REV3L: variants seen among roughly 807,000 people sequenced by gnomAD.
REV3L encodes DNA polymerase zeta catalytic subunit.
In REV3L, 69 loss-of-function variants were observed where a neutral mutation model predicts 299.4. That is an observed-to-expected ratio of 0.23 (90% CI 0.19 to 0.28). The LOEUF (loss-of-function observed/expected upper bound fraction) is 0.28. REV3L is among the 10% of genes least tolerant of loss of function. The probability of loss-of-function intolerance (pLI) is 1.00; values close to 1 mark genes in which losing one functional copy is unlikely to be tolerated. For synonymous variants in REV3L, 1,238 were observed against 1,271.4 expected (o/e 0.97, Z 0.56); for missense variants, 3,128 against 3,693.8 (o/e 0.85, Z 3.97).
chr6:111,456,409 C>T (rs904374278), intron 1 of REV3L, among the ~76,000 whole-genome samples: 3 of 152,180 alleles, frequency 2.0e-5, no homozygotes, highest in Admixed American at 6.5e-5. Context: ...AAGAAGAAAT[C>T]TGTATATAAA....
chr6:111,371,885 TCTCA>T (rs1779836773), intron 13 of REV3L, among the ~76,000 whole-genome samples: 1 of 151,012 alleles, frequency 6.6e-6, no homozygotes, highest in African/African-American at 2.4e-5. Flanking sequence ...AGAGAGAGAG[TCTCA>T]CTATTTTGCC....
intron 1 of REV3L, 110 bp downstream of exon 1, chr6:111,482,640 A>G: frequency 1.7e-6 from 1 of 595,206 alleles, no homozygotes; most frequent in Non-Finnish European, 2.2e-6. Context: ...CGCGGCAGCG[A>G]TCCACGGAGA....
At position 111,374,146 on chromosome 6, in the gene REV3L, A is replaced by G; in HGVS notation, c.4209T>C (p.Tyr1403=). The G allele has an allele frequency of 1.2e-6, 2 of 1,614,092 alleles. No homozygotes were observed. Among genetic ancestry groups the G allele is most frequent in the South Asian group, 1.1e-5 (1 of 91,078 alleles). ...YLSSIGKLSE[Y]RNSLESKLDQ... is the part of the protein sequence containing the mutation. The stretch of plus-strand genomic sequence containing the variant: ...CCAGCTTTGATTCTAGGGAATTGCG[A>G]TATTCACTTAACTTTCCGATTGATG... The change falls in exon 13 of 32, where the codon TAT becomes TAC. Residue 1403 remains tyrosine (Y), a synonymous_variant. Coordinates refer to ENST00000368802, the MANE Select transcript of REV3L (RefSeq NM_001372078.1).
intron 1 of REV3L, among the ~76,000 whole-genome samples, chr6:111,478,628 C>T (rs1337480405): frequency 1.0e-5 from 1 of 96,782 alleles, no homozygotes; most frequent in East Asian, 3.1e-4. Context: ...CTCCAATTTA[C>T]CAAAAAAAAA....
At chr6:111,341,990 C>G (rs895538128) in intron 21 of REV3L, among the ~76,000 whole-genome samples, 1 of 150,742 alleles carries the variant, frequency 6.6e-6, no homozygotes, top group Non-Finnish European at 1.5e-5. Context: ...CAGAAAAAAA[C>G]AGAGGCCTTT....
chr6:111,422,597 CAT>C (rs202241481), intron 1 of REV3L, among the ~76,000 whole-genome samples: 2,164 of 17,974 alleles, frequency 0.12, 448 homozygotes, highest in Admixed American at 0.29. Context: ...TATATATACA[CAT>C]ATATATATAT....
intron 25 of REV3L, 104 bp from the exon 26 acceptor site, chr6:111,322,782 A>G: frequency 1.2e-6 from 1 of 818,178 alleles, no homozygotes; most frequent in Non-Finnish European, 2.0e-6. Context: ...TCCAGAAATG[A>G]AACGAGAAAA....
chr6:111,367,000 T>C, intron 14 of REV3L, 115 bp downstream of exon 14: 5 of 805,980 alleles, frequency 6.2e-6, no homozygotes, highest in Non-Finnish European at 7.3e-6. Context: ...ACGAAAAATA[T>C]TTGCTGAGCT....
intron 18 of REV3L, among the ~76,000 whole-genome samples, chr6:111,354,841 A>G (rs1777932509): frequency 6.6e-6 from 1 of 152,200 alleles, no homozygotes; most frequent in Non-Finnish European, 1.5e-5. Flanking sequence ...GCTTAGGCAG[A>G]AAAAAGCTGC....
rs559296416 is a variant in REV3L at position 111,309,986 on chromosome 6, A to G, written c.8909T>C (p.Val2970Ala). Residue 2970 changes from valine (V) to alanine (A), a missense_variant, in exon 30 of 32, where the codon GTG becomes GCG. Val to Ala is a moderately conservative substitution (Grantham distance 64, BLOSUM62 0). Around this residue, in one of 9 missense-constraint regions of REV3L, gnomAD observed 294 missense variants for 377.0 expected, o/e 0.78. Transcript: ENST00000368802. ...CAGAGTTGGGTCCTGCAGGACTTCCACTGGGCGCCTTACAAGCTGGATAAG... is the reference window on the plus strand; with the variant it reads ...CAGAGTTGGGTCCTGCAGGACTTCCGCTGGGCGCCTTACAAGCTGGATAAG... ...VPLIQLVRRP[V>A]EVLQDPTLRL... The G allele has an allele frequency of 2.7e-5, 43 of 1,613,964 alleles. No homozygotes were observed. In the South Asian group the frequency reaches 4.6e-4, roughly 17 times the overall value.
chr6:111,303,670 G>A (rs1393692011), intron 31 of REV3L, among the ~76,000 whole-genome samples: 2 of 65,166 alleles, frequency 3.1e-5, no homozygotes, highest in East Asian at 7.9e-4. Flanking sequence ...CCCAGCCGAG[G>A]CTTTTTTTTT....
chr6:111,457,923 A>G (rs1019986794), intron 1 of REV3L, among the ~76,000 whole-genome samples: 1 of 152,064 alleles, frequency 6.6e-6, no homozygotes, highest in African/African-American at 2.4e-5. Context: ...AATCATATCT[A>G]AAGATAGAGA....
At chr6:111,360,889 TTAAAA>T (rs1313231797) in intron 16 of REV3L, among the ~76,000 whole-genome samples, 1 of 152,082 alleles carries the variant, frequency 6.6e-6, no homozygotes, top group Non-Finnish European at 1.5e-5. Flanking sequence ...TGTTTCTACT[TTAAAA>T]TATTAGTATT....
At chr6:111,465,022 A>T (rs117611750) in intron 1 of REV3L, among the ~76,000 whole-genome samples, 3,893 of 152,010 alleles carry the variant, frequency 0.026, 55 homozygotes, top group Middle Eastern at 0.054. Context: ...AAAACACATA[A>T]AACGGTCTAT....
chr6:111,440,983 G>A (rs1347421748), intron 1 of REV3L, among the ~76,000 whole-genome samples: 2 of 152,132 alleles, frequency 1.3e-5, no homozygotes, highest in South Asian at 4.1e-4. Context: ...TCTTCACATA[G>A]AAGTAAGGTG....
At chr6:111,322,797 G>A (rs566199496) in intron 25 of REV3L, 119 bp from the exon 26 acceptor site, 10 of 739,038 alleles carry the variant, frequency 1.4e-5, no homozygotes, top group South Asian at 1.2e-4. Context: ...AGAAAAGAAC[G>A]TAAAAAAGAA....
chr6:111,343,078 ACTC>A (rs1428675394), intron 21 of REV3L, among the ~76,000 whole-genome samples: 1 of 152,190 alleles, frequency 6.6e-6, no homozygotes, highest in Non-Finnish European at 1.5e-5. Context: ...CAGTAATTCT[ACTC>A]CTAAGAGATA....
chr6:111,408,138 C>T (rs1312775023), intron 3 of REV3L, among the ~76,000 whole-genome samples: 1 of 152,102 alleles, frequency 6.6e-6, no homozygotes, highest in Non-Finnish European at 1.5e-5. Context: ...TTGAAAACAT[C>T]AAAGAAGATG....
intron 16 of REV3L, among the ~76,000 whole-genome samples, chr6:111,362,996 G>C (rs1778855498): frequency 6.6e-6 from 1 of 152,190 alleles, no homozygotes; most frequent in African/African-American, 2.4e-5. Context: ...CTTACTGCCA[G>C]TCAGATATGT....
Sources: allele counts gnomAD v4.1 joint callset (sites outside exome capture counted in the v4.1 genomes callset), GRCh38; gene constraint gnomAD v4.1.1; regional missense constraint gnomAD v4.1.1; transcripts MANE v1.5; gene names NCBI Gene and HGNC (gene_info 2026-07-23, HGNC 2026-07-21).